Variants in GPD2 observed in about 807,000 individuals in gnomAD.
GPD2 encodes glycerol-3-phosphate dehydrogenase, mitochondrial.
GPD2 carries 54 observed loss-of-function variants against 82.4 expected under a neutral mutation model. The observed-to-expected ratio is 0.66, with a 90% CI of 0.53 to 0.82. The LOEUF (loss-of-function observed/expected upper bound fraction) is 0.82, where lower values mean the gene tolerates loss of function less well. GPD2 is among the 40% of genes least tolerant of loss of function. GPD2 has a pLI of 0.00. For synonymous variants in GPD2, 288 were observed against 306.1 expected, an observed-to-expected ratio of 0.94 and a Z score of 0.62; for missense variants, 748 against 896.2, an observed-to-expected ratio of 0.83 and a Z score of 2.11.
the GPD2 span, among the ~76,000 whole-genome samples, chr2:156,400,325 C>G: frequency 2.0e-5 from 3 of 152,240 alleles, no homozygotes; most frequent in Non-Finnish European, 2.9e-5. Flanking sequence ...GCGGCCCGAG[C>G]GCTGGGCCCG....
chr2:156,551,733 A>G (rs1373748232), intron 8 of GPD2, among the ~76,000 whole-genome samples: 2 of 152,210 alleles, frequency 1.3e-5, no homozygotes, highest in Non-Finnish European at 2.9e-5. Flanking sequence ...AATACTTTTA[A>G]TGCCCTAGGA....
At chr2:156,472,190 T>TC (rs1463489479) in intron 1 of GPD2, among the ~76,000 whole-genome samples, 1 of 151,070 alleles carries the variant, frequency 6.6e-6, no homozygotes, top group African/African-American at 2.5e-5. Flanking sequence ...AAGGAAATAA[T>TC]CTTTTTTTTT....
At chr2:156,415,939 T>G in the GPD2 span, among the ~76,000 whole-genome samples, 2 of 120,316 alleles carry the variant, frequency 1.7e-5, no homozygotes, top group Non-Finnish European at 3.9e-5. Flanking sequence ...GAGAATGGCG[T>G]GAACCCGGGA....
chr2:156,523,815 A>T (rs921185261), intron 6 of GPD2, among the ~76,000 whole-genome samples: 7 of 152,178 alleles, frequency 4.6e-5, no homozygotes, highest in Admixed American at 1.3e-4. Flanking sequence ...AAGTGCTGGG[A>T]TTCCAGGCAT....
At chr2:156,499,825 A>G (rs1391580052) in intron 3 of GPD2, among the ~76,000 whole-genome samples, 1 of 143,886 alleles carries the variant, frequency 6.9e-6, no homozygotes, top group Non-Finnish European at 1.5e-5. Context: ...TTTTTTTTCT[A>G]TTTAAAACAA....
chr2:156,582,379 A>T (rs980678852), intron 16 of GPD2, among the ~76,000 whole-genome samples: 53 of 151,592 alleles, frequency 3.5e-4, no homozygotes, highest in Admixed American at 6.6e-4. Context: ...CAGTAACATT[A>T]AAAAAAAGGG....
At chr2:156,407,944 ATTTTTTTTTTTTTT>A in the GPD2 span, among the ~76,000 whole-genome samples, 6 of 56,434 alleles carry the variant, frequency 1.1e-4, no homozygotes, top group South Asian at 9.1e-4. Flanking sequence ...CCATGCTGTA[ATTTTTTTTTTTTTT>A]TTTTTTTTTT....
intron 2 of GPD2, 129 bp from the exon 3 acceptor site, chr2:156,495,915 T>C (rs1163775262): frequency 1.0e-5 from 7 of 702,432 alleles, no homozygotes; most frequent in Non-Finnish European, 1.8e-5. Context: ...TATAACTCTA[T>C]GTGGACTGTG....
At chr2:156,458,595 T>C (rs1447104582) in intron 1 of GPD2, among the ~76,000 whole-genome samples, 1 of 152,200 alleles carries the variant, frequency 6.6e-6, no homozygotes, top group Non-Finnish European at 1.5e-5. Flanking sequence ...AGATTCCTAA[T>C]AAATTGTAAA....
intron 1 of GPD2, among the ~76,000 whole-genome samples, chr2:156,454,890 T>C (rs1040268839): frequency 1.3e-5 from 2 of 152,112 alleles, no homozygotes; most frequent in African/African-American, 4.8e-5. Flanking sequence ...GTCTGTAGCC[T>C]AGGTCATCTC....
At chr2:156,474,294 A>G (rs1027109232) in intron 1 of GPD2, among the ~76,000 whole-genome samples, 4 of 152,368 alleles carry the variant, frequency 2.6e-5, no homozygotes, top group Admixed American at 2.0e-4. Context: ...GTTATCAACT[A>G]TATTGCAATT....
At chr2:156,575,437 A>G (rs1480806758) in intron 13 of GPD2, among the ~76,000 whole-genome samples, 2 of 109,746 alleles carry the variant, frequency 1.8e-5, no homozygotes, top group African/African-American at 7.2e-5. Context: ...AGGTCTTGCT[A>G]TGTTGCCCAG....
At chr2:156,545,540 T>C (rs1236362794) in intron 6 of GPD2, among the ~76,000 whole-genome samples, 2 of 152,208 alleles carry the variant, frequency 1.3e-5, no homozygotes, top group African/African-American at 4.8e-5. Context: ...ACAGATGCTA[T>C]TCTAATTGAG....
chr2:156,430,733 T>C (rs746693653), upstream of GPD2, among the ~76,000 whole-genome samples: 1 of 152,234 alleles, frequency 6.6e-6, no homozygotes, highest in Non-Finnish European at 1.5e-5. Context: ...CAATGAACAC[T>C]TACCTGGCTA....
intron 6 of GPD2, among the ~76,000 whole-genome samples, chr2:156,535,511 T>C (rs968322229): frequency 2.0e-5 from 3 of 151,678 alleles, no homozygotes; most frequent in African/African-American, 7.3e-5. Flanking sequence ...ATTATCCATC[T>C]GCTTGCTTTA....
intron 2 of GPD2, among the ~76,000 whole-genome samples, chr2:156,486,444 T>G (rs1299553226): frequency 6.6e-6 from 1 of 152,208 alleles, no homozygotes; most frequent in Non-Finnish European, 1.5e-5. Context: ...ACATTGACAT[T>G]CATTTTGATT....
chr2:156,481,776 G>A (rs1366906586), intron 2 of GPD2, among the ~76,000 whole-genome samples: 5 of 151,800 alleles, frequency 3.3e-5, no homozygotes, highest in Admixed American at 6.6e-5. Flanking sequence ...CATTGTGCCC[G>A]GCCTATTTCA....
At chr2:156,441,848 G>A (rs1190587150) in intron 1 of GPD2, among the ~76,000 whole-genome samples, 1 of 152,160 alleles carries the variant, frequency 6.6e-6, no homozygotes, top group Non-Finnish European at 1.5e-5. Flanking sequence ...TCTTGGTGTG[G>A]AAAACCCATA....
At chr2:156,526,774 A>G (rs1685624307) in intron 6 of GPD2, among the ~76,000 whole-genome samples, 1 of 152,154 alleles carries the variant, frequency 6.6e-6, no homozygotes, top group South Asian at 2.1e-4. Flanking sequence ...AAAATTTTAT[A>G]GGTCACATTT....
Sources: allele counts gnomAD v4.1 joint callset (sites outside exome capture counted in the v4.1 genomes callset), GRCh38; gene constraint gnomAD v4.1.1; transcripts MANE v1.5; gene names NCBI Gene and HGNC (gene_info 2026-07-23, HGNC 2026-07-21).